MRC1: variants seen among roughly 807,000 people sequenced by gnomAD.
The protein encoded by MRC1 is macrophage mannose receptor 1.
In MRC1, 62 loss-of-function variants were observed where a neutral mutation model predicts 102.9. The observed-to-expected ratio is 0.60, with a 90% confidence interval of 0.49 to 0.74. The LOEUF (loss-of-function observed/expected upper bound fraction) is 0.74. Ranked by LOEUF, MRC1 falls within the 30% of genes least tolerant of loss-of-function variation. The probability of loss-of-function intolerance (pLI) is 0.00; values close to 1 mark genes in which losing one functional copy is unlikely to be tolerated. For synonymous variants in MRC1, 457 were observed against 298.4 expected, an observed-to-expected ratio of 1.53 and a Z score of -5.48; for missense variants, 1,237 against 862.8, an observed-to-expected ratio of 1.43 and a Z score of -5.43.
At chr10:17,876,939 T>A (rs1394510282) in intron 17 of MRC1, among the ~76,000 whole-genome samples, 2 of 152,036 alleles carry the variant, frequency 1.3e-5, no homozygotes, top group Non-Finnish European at 2.9e-5. Context: ...AAAAAATAAG[T>A]TGAACAGTAC....
At chr10:17,833,312 G>A (rs903632663) in intron 3 of MRC1, among the ~76,000 whole-genome samples, 17 of 152,178 alleles carry the variant, frequency 1.1e-4, no homozygotes, top group African/African-American at 4.1e-4. Context: ...CTTGAGAACA[G>A]GAGTTTTAGA....
In MRC1 at chr10:17,892,890, G is replaced by T. The variant is rs1009661719; in HGVS notation, c.3148-1320G>T. On this transcript the variant is annotated intron_variant, in intron 22 of 29. Coordinates refer to ENST00000569591, the MANE Select transcript of MRC1 (RefSeq NM_002438.4). ...CTGGGCGTGGTGGCACACGCCTGTA[G>T]TCCCAGCTACTCGGGAGGCCGAGGC... Among the ~76,000 whole-genome samples the T allele has an allele frequency of 1.2e-3, 188 of 151,858 alleles. 1 individual carries two copies. The highest frequency in any genetic ancestry group is 4.3e-3 in the African/African-American group (179 of 41,430).
At chr10:17,847,667 C>G (rs1554840325) in intron 6 of MRC1, among the ~76,000 whole-genome samples, 2 of 152,258 alleles carry the variant, frequency 1.3e-5, no homozygotes, top group African/African-American at 4.8e-5. Flanking sequence ...TTAGCAGCCA[C>G]TTAACCGCAT....
intron 22 of MRC1, among the ~76,000 whole-genome samples, chr10:17,888,190 T>C (rs1480227567): frequency 1.3e-5 from 2 of 152,192 alleles, no homozygotes; most frequent in Non-Finnish European, 2.9e-5. Flanking sequence ...ACTTTTAATA[T>C]GTGTTTTGTG....
At position 17,895,655 on chromosome 10, in the gene MRC1, G is replaced by A. The variant is rs994053019; in HGVS notation, c.3250+1343G>A. Among the ~76,000 whole-genome samples, 8 of 152,134 alleles carry A rather than the reference G, an allele frequency of 5.3e-5. No homozygotes were observed. In the South Asian group the frequency reaches 8.3e-4, roughly 16 times the overall value. On this transcript the variant is annotated intron_variant, in intron 23 of 29. Coordinates refer to ENST00000569591, the MANE Select transcript of MRC1 (RefSeq NM_002438.4). ...ACAACACAGTATGCAGATATTTGCT[G>A]TCAATTAAGATGGTGTTTATATACA...
At chr10:17,861,535 T>C (rs1833184283) in intron 10 of MRC1, 33 bp downstream of exon 10, 5 of 846,568 alleles carry the variant, frequency 5.9e-6, no homozygotes, top group South Asian at 2.7e-5. Flanking sequence ...TTTTAAAATA[T>C]GTCAAATAGA....
chr10:17,856,525 T>C (rs1236543111), intron 9 of MRC1, among the ~76,000 whole-genome samples, 173 bp downstream of exon 9: 2 of 150,664 alleles, frequency 1.3e-5, no homozygotes, highest in Non-Finnish European at 3.0e-5. Flanking sequence ...TAAAGTTTTC[T>C]TGGGGAATTC....
intron 12 of MRC1, among the ~76,000 whole-genome samples, chr10:17,869,647 G>T (rs930962222): frequency 6.6e-6 from 1 of 151,998 alleles, no homozygotes; most frequent in African/African-American, 2.4e-5. Context: ...ATTTAATTTT[G>T]CTCAGAACTC....
Position 17,850,256 on chromosome 10 carries a change from G to GGTTTT in MRC1, c.1249+492_1249+493insGTTTT, listed in dbSNP as rs1394827946. Among the ~76,000 whole-genome samples, 19 of 131,530 alleles carry GGTTTT rather than the reference G, an allele frequency of 1.4e-4. No homozygotes were observed. In the South Asian group the frequency reaches 4.6e-3, roughly 32 times the overall value. The allele number at this position is 131,530 out of a possible 152,430, so 86.3% of individuals were successfully genotyped here. ...GTGTTGAACAGTGAAAAATATAGGAGTTTTTTTTTTTTTGAAATGGTTAGA... is the reference window on the plus strand; with the variant it reads ...GTGTTGAACAGTGAAAAATATAGGAGGTTTTTTTTTTTTTTTTTGAAATGGTTAGA... On this transcript the variant is annotated intron_variant, in intron 7 of 29. Transcript: ENST00000569591.
At chr10:17,826,240 T>A (rs1349586860) in intron 2 of MRC1, among the ~76,000 whole-genome samples, 1 of 152,182 alleles carries the variant, frequency 6.6e-6, no homozygotes, top group Non-Finnish European at 1.5e-5. Flanking sequence ...TCTCACTCTG[T>A]CACCCAGGCT....
intron 9 of MRC1, among the ~76,000 whole-genome samples, chr10:17,856,559 C>G (rs1833095971): frequency 6.6e-6 from 1 of 152,100 alleles, no homozygotes; most frequent in Non-Finnish European, 1.5e-5. Context: ...CAGAGGTACA[C>G]AAGGCCGGTA....
intron 1 of MRC1, among the ~76,000 whole-genome samples, chr10:17,817,407 A>G (rs1838330219): frequency 6.6e-6 from 1 of 152,242 alleles, no homozygotes; most frequent in South Asian, 2.1e-4. Context: ...GTTGAAACTT[A>G]TTGCTTCTTT....
chr10:17,836,392 A>T (rs1278156820), intron 4 of MRC1, among the ~76,000 whole-genome samples: 16 of 152,370 alleles, frequency 1.1e-4, no homozygotes, highest in African/African-American at 2.9e-4. Flanking sequence ...AGAGTGATTC[A>T]TATTTACAAC....
At chr10:17,837,262 C>T (rs1360585343) in intron 4 of MRC1, among the ~76,000 whole-genome samples, 1 of 152,184 alleles carries the variant, frequency 6.6e-6, no homozygotes, top group Non-Finnish European at 1.5e-5. Flanking sequence ...TTTTCACTGG[C>T]ATCTGGATAA....
intron 15 of MRC1, 95 bp from the exon 16 acceptor site, chr10:17,873,689 A>G (rs959098752): frequency 1.7e-5 from 14 of 807,562 alleles, no homozygotes; most frequent in Non-Finnish European, 3.1e-5. Flanking sequence ...CTAAGTTTTT[A>G]GCAATATTGA....
intron 17 of MRC1, among the ~76,000 whole-genome samples, chr10:17,876,873 C>G (rs1489179297): frequency 6.6e-6 from 1 of 151,906 alleles, no homozygotes; most frequent in Non-Finnish European, 1.5e-5. Flanking sequence ...CAGTATCTTT[C>G]TGATTAAAAT....
rs1833459730 is a variant in MRC1, at chr10:17,877,914, T to C, written c.2565T>C (p.Asp855=). ...CCATGTTTCAGGTAAACAGAAATGA[T>C]GCACAGTCTGCATATTTTATTGGTT... The part of the protein sequence containing the change: ...KFLWKYVNRN[D]AQSAYFIGLL... The change falls in exon 18 of 30, where the codon GAT becomes GAC. Residue 855 remains aspartate (D), a synonymous_variant. Transcript: ENST00000569591. 2 of 872,266 alleles carry C rather than the reference T, an allele frequency of 2.3e-6. No individual in the cohort carries two copies. Among genetic ancestry groups the C allele is most frequent in the Non-Finnish European group, 4.0e-6 (2 of 501,248 alleles). 54.0% of individuals were successfully genotyped at this position (872,266 alleles called of 1,614,324 possible). A position where few individuals can be genotyped will look rare whatever the true frequency, so the allele number is the denominator to read the frequency against.
At chr10:17,887,030 T>A (rs1833607004) in intron 22 of MRC1, among the ~76,000 whole-genome samples, 1 of 152,200 alleles carries the variant, frequency 6.6e-6, no homozygotes, top group Non-Finnish European at 1.5e-5. Context: ...ATTAATAATT[T>A]GGTAGCTATT....
At position 17,879,749 on chromosome 10, in the gene MRC1, G is replaced by A. The variant is rs999612423; in HGVS notation, c.2647G>A (p.Val883Met). 8.7e-5 allele frequency: 68 copies of A among 780,726 alleles called. No individual in the cohort carries two copies. The highest frequency in any genetic ancestry group is 2.7e-4 in the Admixed American group (16 of 59,006). 48.4% of individuals were successfully genotyped at this position (780,726 alleles called of 1,614,324 possible). A position where few individuals can be genotyped will look rare whatever the true frequency, so the allele number is the denominator to read the frequency against. The stretch of plus-strand genomic sequence containing the variant: ...GATGGATGGAAGCAAAGTGGATTAC[G>A]TGTCTTGGGCCACAGGTGAACCCAA... ...AWMDGSKVDY[V>M]SWATGEPNFA... is the part of the protein sequence containing the mutation. Residue 883 changes from valine to methionine, a missense_variant, in exon 19 of 30, where the codon GTG becomes ATG. Coordinates refer to ENST00000569591, the MANE Select transcript of MRC1 (RefSeq NM_002438.4).
Sources: allele counts gnomAD v4.1 joint callset (sites outside exome capture counted in the v4.1 genomes callset), GRCh38; gene constraint gnomAD v4.1.1; transcripts MANE v1.5; gene names NCBI Gene and HGNC (gene_info 2026-07-23, HGNC 2026-07-21).